CFAP46: variants seen among roughly 807,000 people sequenced by gnomAD.
The protein encoded by CFAP46 is cilia- and flagella-associated protein 46.
In CFAP46, 245 loss-of-function variants were observed where a neutral mutation model predicts 325.7. That is an observed-to-expected ratio of 0.75 (90% CI 0.68 to 0.84). The LOEUF is 0.84. Ranked by LOEUF, CFAP46 falls within the 40% of genes least tolerant of loss-of-function variation. CFAP46 has a pLI of 0.00. For missense variants in CFAP46, 3,346 were observed against 3,543.0 expected (o/e 0.94, Z 1.41); for synonymous variants, 1,523 against 1,495.9 (o/e 1.02, Z -0.42).
In CFAP46 at chr10:132,877,872, G is replaced by A; in HGVS notation, c.4212+9C>T. 4.5e-6 allele frequency: 7 copies of A among 1,548,468 alleles called. No homozygotes were observed. The highest frequency in any genetic ancestry group is 2.7e-5 in the African/African-American group (2 of 72,932). On this transcript the variant is annotated intron_variant, in intron 30 of 57. Transcript: ENST00000368586. The surrounding 1 kb of genome is among the most constrained non-coding windows in gnomAD (Gnocchi z 5.7). ...CCCGGCCTCTGCACCGTGGCCACTTGGGCATCACCTGCTTGGGCTCCTTGA... is the reference window on the plus strand; with the variant it reads ...CCCGGCCTCTGCACCGTGGCCACTTAGGCATCACCTGCTTGGGCTCCTTGA...
At chr10:132,824,394 TGCTGATGTGTGTTTTGTGTGCTGTGTGA>T (rs1847984531) in intron 50 of CFAP46, among the ~76,000 whole-genome samples, 1 of 135,446 alleles carries the variant, frequency 7.4e-6, no homozygotes, top group Non-Finnish European at 1.6e-5. Context: ...GTGCTGTGTG[TGCTGATGTGTGTTTTGTGTGCTGTGTGA>T]GTGCTGATGT....
intron 8 of CFAP46, among the ~76,000 whole-genome samples, chr10:132,931,650 C>T (rs139621885): frequency 4.7e-4 from 61 of 128,564 alleles, no homozygotes; most frequent in Non-Finnish European, 6.3e-4. Context: ...GCCTGGGCCT[C>T]CCTACACTCC....
At chr10:132,825,069 C>CTG (rs796916028) in intron 50 of CFAP46, among the ~76,000 whole-genome samples, 1 of 133,728 alleles carries the variant, frequency 7.5e-6, no homozygotes, top group Non-Finnish European at 1.5e-5. Flanking sequence ...CTGATGTGTG[C>CTG]TGTGTGTGCG....
In CFAP46 at chr10:132,942,562, G is replaced by A. The variant is rs970437132; in HGVS notation, c.-78C>T. On this transcript the variant is annotated 5_prime_UTR_variant, in exon 1 of 58. Coordinates refer to ENST00000368586, the MANE Select transcript of CFAP46 (RefSeq NM_001200049.3). ...CGCCCACTGTCGGTTGGGTTCTCCA[G>A]CCGCGAGGACCCGGCCACGGTTGCC... The A allele has an allele frequency of 3.4e-6, 4 of 1,181,332 alleles. No homozygotes were observed. The highest frequency in any genetic ancestry group is 4.0e-5 in the South Asian group (1 of 25,276). The allele number at this position is 1,181,332 out of a possible 1,614,324, so 73.2% of individuals were successfully genotyped here. A position where few individuals can be genotyped will look rare whatever the true frequency, so the allele number is the denominator to read the frequency against.
chr10:132,836,952 G>A, intron 44 of CFAP46, 38 bp from the exon 45 acceptor site: 1 of 1,424,838 alleles, frequency 7.0e-7, no homozygotes, highest in Non-Finnish European at 9.9e-7. Context: ...GATGCATTTA[G>A]GACGCAAGGA....
intron 13 of CFAP46, among the ~76,000 whole-genome samples, chr10:132,921,257 G>A (rs769253344): frequency 2.0e-5 from 3 of 152,202 alleles, no homozygotes; most frequent in East Asian, 1.9e-4. Flanking sequence ...GCAGCCCCCA[G>A]CAGGACCCTC....
Position 132,880,659 on chromosome 10 carries a change from ACGT to A in CFAP46, c.3799+199_3799+201del, listed in dbSNP as rs1417583635. On this transcript the variant is annotated intron_variant, in intron 28 of 57. Coordinates refer to ENST00000368586, the MANE Select transcript of CFAP46 (RefSeq NM_001200049.3). ...CCCCTGCAGAGGACAGCACTGAGAC[ACGT>A]CAGGGGCCCCTGCAGAGGACAGCAC... Among the ~76,000 whole-genome samples, 206 of 51,398 alleles carry A rather than the reference ACGT, an allele frequency of 4.0e-3. 1 individual carries two copies. Among genetic ancestry groups the A allele is most frequent in the African/African-American group, 0.016 (191 of 11,654 alleles). The allele number at this position is 51,398 out of a possible 152,430, so 33.7% of individuals were successfully genotyped here. A position where few individuals can be genotyped will look rare whatever the true frequency, so the allele number is the denominator to read the frequency against.
At chr10:132,874,282 G>C (rs1170160161) in intron 31 of CFAP46, among the ~76,000 whole-genome samples, 2 of 152,192 alleles carry the variant, frequency 1.3e-5, no homozygotes, top group Non-Finnish European at 2.9e-5. Context: ...TGACAGCACA[G>C]CCAAGCTGCC....
intron 50 of CFAP46, among the ~76,000 whole-genome samples, chr10:132,825,414 C>A (rs145198350): frequency 6.6e-6 from 1 of 152,106 alleles, no homozygotes; most frequent in Non-Finnish European, 1.5e-5. Context: ...TCTACAGACA[C>A]GCAATATAAA....
intron 50 of CFAP46, among the ~76,000 whole-genome samples, chr10:132,824,326 G>T (rs1272001723): frequency 1.4e-5 from 2 of 139,178 alleles, no homozygotes; most frequent in African/African-American, 5.5e-5. Context: ...ACTGATGTGT[G>T]CTGTGTGTGT....
chr10:132,855,917 G>A (rs146540434), intron 39 of CFAP46, among the ~76,000 whole-genome samples: 150 of 152,356 alleles, frequency 9.8e-4, no homozygotes, highest in African/African-American at 3.0e-3. Context: ...GAGTTTACGT[G>A]TTCGAGGCTC....
chr10:132,823,512 ATGTGTGCTG>A (rs1218814469), intron 50 of CFAP46, among the ~76,000 whole-genome samples: 23 of 75,796 alleles, frequency 3.0e-4, no homozygotes, highest in African/African-American at 9.8e-4. Flanking sequence ...CTGTGTGCTG[ATGTGTGCTG>A]TGTGTGCTGT....
intron 35 of CFAP46, 50 bp downstream of exon 35, chr10:132,865,975 G>GTGC: frequency 6.9e-7 from 1 of 1,441,242 alleles, no homozygotes; most frequent in South Asian, 1.5e-5. Flanking sequence ...ACTGTGCACA[G>GTGC]TGCGCTGGGA....
At chr10:132,916,399 C>T in intron 17 of CFAP46, 150 bp downstream of exon 17, 1 of 884,672 alleles carries the variant, frequency 1.1e-6, no homozygotes, top group Non-Finnish European at 1.6e-6. Flanking sequence ...TGGTCTCAGT[C>T]ATTTACGTGA....
chr10:132,824,585 A>T (rs1408804531), intron 50 of CFAP46, among the ~76,000 whole-genome samples: 7 of 51,762 alleles, frequency 1.4e-4, no homozygotes, highest in African/African-American at 2.4e-4. Context: ...GTGCTGTGTG[A>T]GTGCTGATGT....
At chr10:132,810,522 G>C (rs938974367) in intron 56 of CFAP46, 33 bp from the exon 57 acceptor site, 10 of 1,596,624 alleles carry the variant, frequency 6.3e-6, no homozygotes, top group Middle Eastern at 1.7e-4. Context: ...GGAGGGCATG[G>C]ACACCCTGGC....
chr10:132,922,666 C>A lies in CFAP46; in HGVS notation c.1299G>T (p.Ala433=), dbSNP rs1363765934. 6.5e-7 allele frequency: 1 copy of A among 1,549,960 alleles called. No homozygotes were observed. The highest frequency in any genetic ancestry group is 2.0e-5 in the Admixed American group (1 of 51,008). ...LLRCQVHMEM[A]QIEEDEDRLE... ...GCCGGTCCTCGTCCTCCTCGATCTGCGCCATCTCCATGTGCACTTGACAGC... is the reference window on the plus strand; with the variant it reads ...GCCGGTCCTCGTCCTCCTCGATCTGAGCCATCTCCATGTGCACTTGACAGC... The change falls in exon 12 of 58, where the codon GCG becomes GCT. Residue 433 remains alanine, a synonymous_variant. Transcript: ENST00000368586.
At position 132,913,180 on chromosome 10, in the gene CFAP46, C is replaced by T. The variant is rs779794549; in HGVS notation, c.2199G>A (p.Glu733=). ...RSAEIGQEIQ[E]AWIVQNAVVY... is the part of the protein sequence containing the mutation. ...CCACGGCGTTCTGCACAATCCACGC[C>T]TCCTGGATCTCCTGTCCGATCTCTG... is the stretch of plus-strand genomic sequence containing the variant. The change falls in exon 18 of 58, where the codon GAG becomes GAA. Residue 733 remains glutamate (E), a synonymous_variant. Transcript: ENST00000368586. 6.4e-7 allele frequency: 1 copy of T among 1,550,476 alleles called. No individual in the cohort carries two copies. The highest frequency in any genetic ancestry group is 1.2e-5 in the South Asian group (1 of 84,066).
rs187062362 is a variant in CFAP46, at chr10:132,926,812, G to A, written c.967-146C>T. ...ACGATGACACAAAGACACCTATGAC[G>A]CAGAGGTTTAAGTGAGGAAGCCGTG... On this transcript the variant is annotated intron_variant, in intron 9 of 57. Transcript: ENST00000368586. 58 of 677,854 alleles carry A rather than the reference G, an allele frequency of 8.6e-5. No individual in the cohort carries two copies. The Admixed American group carries it at 1.1e-3, about 13-fold the overall frequency. 42.0% of individuals were successfully genotyped at this position (677,854 alleles called of 1,614,324 possible).
Sources: allele counts gnomAD v4.1 joint callset (sites outside exome capture counted in the v4.1 genomes callset), GRCh38; gene constraint gnomAD v4.1.1; non-coding constraint Gnocchi (gnomAD v3.1); transcripts MANE v1.5; gene names NCBI Gene and HGNC (gene_info 2026-07-23, HGNC 2026-07-21).